ZP3: variants seen among roughly 807,000 people sequenced by gnomAD.
ZP3 encodes zona pellucida glycoprotein 3.
In ZP3, 21 loss-of-function variants were observed where a neutral mutation model predicts 35.6. That is an observed-to-expected ratio of 0.59 (90% CI 0.42 to 0.85). The LOEUF (loss-of-function observed/expected upper bound fraction) is 0.85. Among genes scored for constraint, ZP3 ranks in the 40% least tolerant of loss-of-function variants. ZP3 has a pLI of 0.00. For missense variants in ZP3, 437 were observed against 536.5 expected (o/e 0.81, Z 1.83); for synonymous variants, 207 against 214.5 (o/e 0.96, Z 0.31).
At chr7:76,423,025 G>GAGAGAGAAAGAAAGAA (rs1278384225), upstream of ZP3, among the ~76,000 whole-genome samples, 51 of 75,840 alleles carry the variant, frequency 6.7e-4, no homozygotes, top group South Asian at 1.0e-3. Flanking sequence ...GAGAGAGAGA[G>GAGAGAGAAAGAAAGAA]AGAAAGAAAG....
chr7:76,438,067 T>G (rs1189883098), intron 5 of ZP3, among the ~76,000 whole-genome samples: 1 of 152,260 alleles, frequency 6.6e-6, no homozygotes, highest in Non-Finnish European at 1.5e-5. Context: ...AGGTGGTGAC[T>G]GAGGCTTGTG....
chr7:76,425,419 A>G (rs111978546), intron 1 of ZP3, 143 bp downstream of exon 1: 24,149 of 890,242 alleles, frequency 0.027, 865 homozygotes, highest in East Asian at 0.15. Flanking sequence ...TTGAGGCCTG[A>G]AGCTGGCACT....
chr7:76,419,918 C>T lies in ZP3; in HGVS notation c.-66-5134C>T, dbSNP rs564474337. 2.3e-3 allele frequency among the ~76,000 whole-genome samples: 355 copies of T among 152,032 alleles called. 1 individual carries two copies. The highest frequency in any genetic ancestry group is 8.2e-3 in the African/African-American group (338 of 41,468). ...CCAGGTTCAAGCGATTCTCCTGCCT[C>T]AGCCTCCCCAGTAGCTGGGATTACA... On this transcript the variant is annotated intron_variant, in intron 1 of 8. Coordinates refer to the ZP3 transcript ENST00000336517.
chr7:76,404,484 G>A (rs769029674), intron 1 of ZP3: 2 of 1,613,498 alleles, frequency 1.2e-6, no homozygotes, highest in South Asian at 1.1e-5. Flanking sequence ...AAGGCGCCAG[G>A]GAGAAGTCAC....
chr7:76,408,286 C>T (rs985349253), intron 1 of ZP3, among the ~76,000 whole-genome samples: 1 of 152,090 alleles, frequency 6.6e-6, no homozygotes. Context: ...ATTTCAACAC[C>T]CCATTCATGG....
chr7:76,440,264 C>A lies in ZP3; in HGVS notation c.846C>A (p.Cys282Ter). Residue 282 changes from cysteine (C) to a stop codon, truncating the protein, a stop_gained, in exon 6 of 8, where the codon TGC becomes TGA. Transcript: ENST00000394857. LOFTEE classifies it high-confidence loss of function. ...ATTCCTTGCAGATATACATCACCTG[C>A]CACCTGAAGGTCACCCTAGCTGAGC... ...NDSRNMIYITCHLKVTLAEQD... is the reference protein window; with the variant it reads ...NDSRNMIYIT The A allele has an allele frequency of 6.2e-7, 1 of 1,610,420 alleles. No individual in the cohort carries two copies. Among genetic ancestry groups the A allele is most frequent in the Non-Finnish European group, 8.5e-7 (1 of 1,178,586 alleles).
At chr7:76,433,420 G>A in intron 3 of ZP3, 50 bp from the exon 4 acceptor site, 7 of 1,576,446 alleles carry the variant, frequency 4.4e-6, no homozygotes, top group Non-Finnish European at 6.0e-6. Context: ...CTCCCAAGGT[G>A]CTGGGATTAC....
At chr7:76,416,241 A>T (rs556584623) in intron 1 of ZP3, among the ~76,000 whole-genome samples, 1 of 151,900 alleles carries the variant, frequency 6.6e-6, no homozygotes, top group Non-Finnish European at 1.5e-5. Context: ...CAGCCTGGGC[A>T]ACATGGTGAA....
intron 1 of ZP3, chr7:76,400,432 G>A: frequency 6.2e-7 from 1 of 1,607,076 alleles, no homozygotes; most frequent in Non-Finnish European, 8.5e-7. Flanking sequence ...AAAGGCAAGG[G>A]GCCGTGGCAC....
upstream of ZP3, among the ~76,000 whole-genome samples, chr7:76,423,071 GAAAGAAAGAAAGA>G (rs1248514851): frequency 3.2e-3 from 455 of 143,156 alleles, 20 homozygotes; most frequent in East Asian, 0.017. Context: ...AAGAAAGAAA[GAAAGAAAGAAAGA>G]AAAGAAATTG....
At chr7:76,433,403 C>T in intron 3 of ZP3, 67 bp from the exon 4 acceptor site, 1 of 1,535,204 alleles carries the variant, frequency 6.5e-7, no homozygotes, top group Non-Finnish European at 8.8e-7. Flanking sequence ...GATCCACCTG[C>T]CTCAGCCTCC....
At chr7:76,398,924 TCACAG>T (rs1345216635) in intron 1 of ZP3, 2 of 908,522 alleles carry the variant, frequency 2.2e-6, no homozygotes, top group African/African-American at 3.4e-5. Context: ...ACACAAAGAG[TCACAG>T]CCAGGAACAC....
chr7:76,404,190 T>C (rs984123723), intron 1 of ZP3: 109 of 1,380,596 alleles, frequency 7.9e-5, no homozygotes, highest in Non-Finnish European at 1.0e-4. Context: ...AAGGTCAGCA[T>C]TGGAAAGAAC....
intron 1 of ZP3, among the ~76,000 whole-genome samples, chr7:76,398,481 T>A (rs1804712531): frequency 6.6e-6 from 1 of 152,034 alleles, no homozygotes; most frequent in South Asian, 2.1e-4. Flanking sequence ...ATTTTTGTAT[T>A]TTTTGTAGAG....
At chr7:76,415,655 G>A (rs142290274) in intron 1 of ZP3, among the ~76,000 whole-genome samples, 11,327 of 149,922 alleles carry the variant, frequency 0.076, 1,017 homozygotes, top group African/African-American at 0.21. Flanking sequence ...CACCACAACC[G>A]GCTAATTATT....
At chr7:76,418,649 G>T (rs987025999) in intron 1 of ZP3, among the ~76,000 whole-genome samples, 2 of 150,382 alleles carry the variant, frequency 1.3e-5, no homozygotes, top group Non-Finnish European at 2.9e-5. Flanking sequence ...GAGGTCAGGC[G>T]GTCGAGACCA....
At chr7:76,410,863 C>T (rs145495035) in intron 1 of ZP3, among the ~76,000 whole-genome samples, 2,298 of 151,618 alleles carry the variant, frequency 0.015, 36 homozygotes, top group Non-Finnish European at 0.022. Context: ...GGTGTGGTGG[C>T]GGGTGCCTGT....
intron 1 of ZP3, chr7:76,404,381 C>T (rs1804931391): frequency 2.5e-6 from 4 of 1,613,948 alleles, no homozygotes; most frequent in Non-Finnish European, 3.4e-6. Context: ...TCCCAACCTC[C>T]ACCCCCAGCG....
chr7:76,429,957 C>T (rs1057259981), intron 2 of ZP3, among the ~76,000 whole-genome samples: 2 of 152,106 alleles, frequency 1.3e-5, no homozygotes, highest in African/African-American at 4.8e-5. Context: ...GGTGCAGTGG[C>T]TCATCCTGTA....
Sources: gnomAD v4.1 joint callset for allele counts (sites outside exome capture counted in the v4.1 genomes callset) on GRCh38, gnomAD v4.1.1 for gene constraint, MANE v1.5 for transcripts, NCBI Gene and HGNC (gene_info 2026-07-23, HGNC 2026-07-21) for gene names.